The following KCNT2 variants were observed in gnomAD, a reference collection of about 807,000 sequenced individuals.
The protein encoded by KCNT2 is potassium channel subfamily T member 2.
A neutral mutation model predicts 153.8 loss-of-function variants in KCNT2; 67 were observed. The observed-to-expected ratio is 0.44, with a 90% CI of 0.36 to 0.53. The LOEUF is 0.53. Among genes scored for constraint, KCNT2 ranks in the 20% least tolerant of loss-of-function variants. KCNT2 has a pLI of 0.00. For synonymous variants in KCNT2, 500 were observed against 458.8 expected (o/e 1.09, Z -1.15); for missense variants, 975 against 1,354.8 (o/e 0.72, Z 4.40).
intron 1 of KCNT2, among the ~76,000 whole-genome samples, chr1:196,583,984 T>G (rs1035809039): frequency 6.6e-6 from 1 of 151,888 alleles, no homozygotes. Context: ...TGGTGGGATG[T>G]TGCCACGTAA....
intron 19 of KCNT2, among the ~76,000 whole-genome samples, chr1:196,326,472 C>T (rs567732336): frequency 3.3e-5 from 5 of 152,092 alleles, no homozygotes; most frequent in African/African-American, 1.2e-4. Context: ...GAGTAGATGA[C>T]CACTTGCAAA....
At chr1:196,425,635 C>T (rs548684767) in intron 11 of KCNT2, among the ~76,000 whole-genome samples, 1 of 151,952 alleles carries the variant, frequency 6.6e-6, no homozygotes, top group South Asian at 2.1e-4. Flanking sequence ...AACAGTTTTG[C>T]CTTGAGATGA....
chr1:196,263,340 C>T (rs1657203816), intron 25 of KCNT2, among the ~76,000 whole-genome samples: 1 of 151,944 alleles, frequency 6.6e-6, no homozygotes. Flanking sequence ...TTTGCAGGGA[C>T]ATGGATGAAG....
At chr1:196,388,375 T>C (rs1341140953) in intron 13 of KCNT2, among the ~76,000 whole-genome samples, 1 of 151,778 alleles carries the variant, frequency 6.6e-6, no homozygotes, top group African/African-American at 2.4e-5. Context: ...TTCATAGTTG[T>C]TATGACTATT....
chr1:196,302,544 T>C (rs1661279435), intron 22 of KCNT2, among the ~76,000 whole-genome samples: 2 of 152,178 alleles, frequency 1.3e-5, no homozygotes, highest in East Asian at 1.9e-4. Flanking sequence ...CCTTGGCTTA[T>C]GGAAGACTAT....
intron 16 of KCNT2, among the ~76,000 whole-genome samples, chr1:196,337,879 G>A (rs1200225048): frequency 1.3e-5 from 2 of 151,934 alleles, no homozygotes; most frequent in Non-Finnish European, 2.9e-5. Flanking sequence ...TATGTACTTT[G>A]GTTATCGCCT....
At chr1:196,325,817 T>C (rs1427665148) in intron 19 of KCNT2, among the ~76,000 whole-genome samples, 1 of 152,104 alleles carries the variant, frequency 6.6e-6, no homozygotes, top group Non-Finnish European at 1.5e-5. Flanking sequence ...GAAAGTTGCA[T>C]CAATAAGTAT....
At chr1:196,426,677 TTAAA>T (rs999387538) in intron 10 of KCNT2, among the ~76,000 whole-genome samples, 1 of 151,892 alleles carries the variant, frequency 6.6e-6, no homozygotes, top group African/African-American at 2.4e-5. Context: ...TTTCTGGAGT[TTAAA>T]TAATTCTCTA....
chr1:196,333,828 T>C lies in KCNT2; in HGVS notation c.1997+19A>G. ...GCACAAAACCCAGTAATCTTACACC[T>C]TAGAGTATCTGAACATACTCTAAGT... is the stretch of plus-strand genomic sequence containing the variant. On this transcript the variant is annotated intron_variant, in intron 17 of 27. Transcript: ENST00000294725. The C allele has an allele frequency of 6.8e-7, 1 of 1,480,938 alleles. No homozygotes were observed. Among genetic ancestry groups the C allele is most frequent in the Non-Finnish European group, 9.4e-7 (1 of 1,062,234 alleles). The allele number at this position is 1,480,938 out of a possible 1,614,324, so 91.7% of individuals were successfully genotyped here. A position where few individuals can be genotyped will look rare whatever the true frequency, so the allele number is the denominator to read the frequency against.
intron 22 of KCNT2, among the ~76,000 whole-genome samples, chr1:196,294,808 T>TAC (rs1273925993): frequency 7.9e-5 from 12 of 151,518 alleles, no homozygotes; most frequent in African/African-American, 2.7e-4. Flanking sequence ...TATATATATA[T>TAC]ACATAATGGA....
At chr1:196,548,933 C>T (rs1657508197) in intron 1 of KCNT2, among the ~76,000 whole-genome samples, 1 of 151,128 alleles carries the variant, frequency 6.6e-6, no homozygotes, top group African/African-American at 2.4e-5. Context: ...CATAGTCTCA[C>T]TCATAGGTGG....
In KCNT2 at chr1:196,258,510, A is replaced by T; in HGVS notation, c.2911-16T>A. On this transcript the variant is annotated splice_polypyrimidine_tract_variant and intron_variant, in intron 25 of 27. Transcript: ENST00000294725. ...ATATTTGAGACTTTAAAGGAAATAG[A>T]TATTGATAATTAGATACTTTAGAAA... The T allele has an allele frequency of 7.2e-7, 1 of 1,393,372 alleles. No individual in the cohort carries two copies. 86.3% of individuals were successfully genotyped at this position (1,393,372 alleles called of 1,614,324 possible).
At chr1:196,486,009 C>T (rs1402018496) in intron 3 of KCNT2, among the ~76,000 whole-genome samples, 2 of 151,818 alleles carry the variant, frequency 1.3e-5, no homozygotes, top group Non-Finnish European at 2.9e-5. Flanking sequence ...CTGGAATCTA[C>T]CTGAATACCT....
At chr1:196,366,694 T>C (rs1668073250) in intron 14 of KCNT2, among the ~76,000 whole-genome samples, 1 of 152,152 alleles carries the variant, frequency 6.6e-6, no homozygotes, top group Admixed American at 6.6e-5. Context: ...ACTTAATTTT[T>C]CTCCATAGCA....
chr1:196,591,800 A>G (rs1217426445), intron 1 of KCNT2, among the ~76,000 whole-genome samples: 1 of 152,192 alleles, frequency 6.6e-6, no homozygotes, highest in Non-Finnish European at 1.5e-5. Context: ...TGGGATGCAC[A>G]GAGGAGCTGA....
At chr1:196,402,342 T>C (rs1671484994) in intron 12 of KCNT2, among the ~76,000 whole-genome samples, 1 of 151,648 alleles carries the variant, frequency 6.6e-6, no homozygotes, top group Non-Finnish European at 1.5e-5. Context: ...TATAATATTG[T>C]TTAGTGTAGT....
intron 14 of KCNT2, among the ~76,000 whole-genome samples, chr1:196,361,863 T>C (rs1182692571): frequency 2.0e-5 from 3 of 152,050 alleles, no homozygotes; most frequent in African/African-American, 7.2e-5. Context: ...AGCAAATTTA[T>C]AGCAATCAAT....
chr1:196,465,262 A>T, intron 8 of KCNT2, 31 bp downstream of exon 8: 2 of 1,130,336 alleles, frequency 1.8e-6, no homozygotes, highest in Non-Finnish European at 2.6e-6. Context: ...TAAATGAAAC[A>T]TAACACAAAT....
intron 1 of KCNT2, among the ~76,000 whole-genome samples, chr1:196,556,090 G>C (rs185473888): frequency 6.6e-6 from 1 of 151,328 alleles, no homozygotes; most frequent in African/African-American, 2.4e-5. Context: ...ACATTGATCT[G>C]GGCAAAAATT....
Sources: allele counts gnomAD v4.1 joint callset (sites outside exome capture counted in the v4.1 genomes callset), GRCh38; gene constraint gnomAD v4.1.1; transcripts MANE v1.5; gene names NCBI Gene and HGNC (gene_info 2026-07-23, HGNC 2026-07-21).